The following PCSK6 variants were observed in gnomAD, a reference collection of about 807,000 sequenced individuals.
PCSK6 encodes paired basic amino acid cleaving enzyme 4.
In PCSK6, 85 loss-of-function variants were observed where a neutral mutation model predicts 123.3. The ratio of observed to expected loss-of-function variants is 0.69; its 90% confidence interval spans 0.58 to 0.83. The LOEUF (loss-of-function observed/expected upper bound fraction) is 0.83, where lower values mean the gene tolerates loss of function less well. Ranked by LOEUF, PCSK6 falls within the 40% of genes least tolerant of loss-of-function variation. The pLI is 0.00. For missense variants in PCSK6, 1,191 were observed against 1,282.3 expected, an observed-to-expected ratio of 0.93 and a Z score of 1.09; for synonymous variants, 508 against 516.0, an observed-to-expected ratio of 0.98 and a Z score of 0.21.
chr15:101,377,228 G>A (rs966366654), intron 11 of PCSK6, among the ~76,000 whole-genome samples: 10 of 151,970 alleles, frequency 6.6e-5, no homozygotes, highest in African/African-American at 1.7e-4. Flanking sequence ...GGCCAAGGCC[G>A]GAGGAAGCTC....
intron 4 of PCSK6, among the ~76,000 whole-genome samples, chr15:101,430,274 T>A (rs2056406342): frequency 7.9e-6 from 1 of 125,924 alleles, no homozygotes; most frequent in South Asian, 2.3e-4. Context: ...CTCAGTGGCA[T>A]TAATTCACAG....
In PCSK6 at chr15:101,430,037, G is replaced by C. The variant is rs367591586; in HGVS notation, c.684C>G (p.Asn228Lys). The stretch of plus-strand genomic sequence containing the variant: ...GTGGAGATGGGTCATAATCATTGCC[G>C]TTCACGTCGTAGCTGGCGTAGGAAT... ...NYDSYASYDV[N>K]GNDYDPSPRY... The change falls in exon 5 of 22, where the codon AAC becomes AAG. Residue 228 changes from asparagine (N) to lysine (K), a missense_variant. Around this residue, in one of 3 missense-constraint regions of PCSK6, gnomAD observed 357 missense variants for 484.5 expected, o/e 0.74. Transcript: ENST00000611716. The C allele has an allele frequency of 6.2e-7, 1 of 1,613,740 alleles. No individual in the cohort carries two copies. Among genetic ancestry groups the C allele is most frequent in the Non-Finnish European group, 8.5e-7 (1 of 1,179,750 alleles).
At chr15:101,318,061 G>C (rs1267252229) in intron 19 of PCSK6, among the ~76,000 whole-genome samples, 1 of 152,188 alleles carries the variant, frequency 6.6e-6, no homozygotes, top group African/African-American at 2.4e-5. Flanking sequence ...CATTCACACT[G>C]TTATGTAACC....
intron 1 of PCSK6, among the ~76,000 whole-genome samples, chr15:101,474,141 C>T (rs572370549): frequency 3.3e-5 from 5 of 152,194 alleles, no homozygotes; most frequent in African/African-American, 9.6e-5. Flanking sequence ...TGGGCTTTAT[C>T]AAGAGGAACA....
At chr15:101,343,680 T>G (rs1440811760) in intron 13 of PCSK6, among the ~76,000 whole-genome samples, 1 of 152,228 alleles carries the variant, frequency 6.6e-6, no homozygotes, top group South Asian at 2.1e-4. Context: ...ATTTCTAACT[T>G]AAGTGTAATG....
intron 13 of PCSK6, among the ~76,000 whole-genome samples, chr15:101,361,291 A>G (rs1041645651): frequency 4.3e-4 from 57 of 132,710 alleles, no homozygotes; most frequent in African/African-American, 9.0e-4. Flanking sequence ...ATTTGAGTTT[A>G]TATGTCTCTA....
intron 6 of PCSK6, among the ~76,000 whole-genome samples, chr15:101,418,036 A>G (rs905417719): frequency 6.6e-6 from 1 of 152,178 alleles, no homozygotes; most frequent in African/African-American, 2.4e-5. Context: ...AGAAACAATT[A>G]TAACTATAAA....
intron 2 of PCSK6, among the ~76,000 whole-genome samples, chr15:101,443,011 A>C (rs572931815): frequency 6.6e-6 from 1 of 152,340 alleles, no homozygotes. Context: ...ATAACTGTTG[A>C]TTGATCTTTC....
At chr15:101,478,466 G>C (rs970076563) in intron 1 of PCSK6, among the ~76,000 whole-genome samples, 1 of 152,160 alleles carries the variant, frequency 6.6e-6, no homozygotes, top group Non-Finnish European at 1.5e-5. Context: ...CACCAAGGCC[G>C]CAGGACACAC....
chr15:101,412,310 C>T (rs2055716553), intron 6 of PCSK6, among the ~76,000 whole-genome samples: 1 of 152,088 alleles, frequency 6.6e-6, no homozygotes, highest in African/African-American at 2.4e-5. Context: ...ATCTCAAATG[C>T]ATAAAGACAG....
chr15:101,435,964 C>T (rs1279921868), intron 2 of PCSK6, among the ~76,000 whole-genome samples: 2 of 152,228 alleles, frequency 1.3e-5, no homozygotes, highest in African/African-American at 4.8e-5. Flanking sequence ...GTCTTCTTCC[C>T]TGTGGGCCAC....
intron 1 of PCSK6, among the ~76,000 whole-genome samples, chr15:101,474,082 G>A (rs955173004): frequency 7.2e-5 from 11 of 152,102 alleles, no homozygotes; most frequent in African/African-American, 2.7e-4. Context: ...AGTCATAAAT[G>A]GTTACTTTGA....
At chr15:101,378,200 T>A (rs2041807410) in intron 11 of PCSK6, among the ~76,000 whole-genome samples, 1 of 152,250 alleles carries the variant, frequency 6.6e-6, no homozygotes, top group Admixed American at 6.5e-5. Flanking sequence ...TACACACAGA[T>A]TTTAAAATCA....
chr15:101,463,579 T>C (rs2057386911), intron 1 of PCSK6, among the ~76,000 whole-genome samples: 1 of 152,180 alleles, frequency 6.6e-6, no homozygotes, highest in South Asian at 2.1e-4. Context: ...CTGAAAGTGG[T>C]CTTCAAATAA....
intron 13 of PCSK6, among the ~76,000 whole-genome samples, chr15:101,363,628 A>G (rs1401003261): frequency 6.7e-6 from 1 of 149,506 alleles, no homozygotes; most frequent in African/African-American, 2.5e-5. Flanking sequence ...AGGATTTGTT[A>G]TAACACTTTT....
In PCSK6 at chr15:101,441,206, C is replaced by G. The variant is rs528329065; in HGVS notation, c.402+2350G>C. ...GCCTAGGAAGTCTCTATCCTTCCTT[C>G]TGCTGACTTCGAGGAGACAACTAAT... On this transcript the variant is annotated intron_variant, in intron 2 of 21. Transcript: ENST00000611716. Among the ~76,000 whole-genome samples, 26 of 152,334 alleles carry G rather than the reference C, an allele frequency of 1.7e-4. 1 individual carries two copies. The South Asian group carries it at 3.9e-3, about 23-fold the overall frequency.
intron 21 of PCSK6, among the ~76,000 whole-genome samples, chr15:101,306,774 T>C (rs1958446021): frequency 6.6e-6 from 1 of 152,328 alleles, no homozygotes; most frequent in South Asian, 2.1e-4. Flanking sequence ...GAGCTGGGAT[T>C]GCTGCTGCTG....
intron 19 of PCSK6, 21 bp from the exon 20 acceptor site, chr15:101,313,526 A>G (rs1375695545): frequency 6.3e-7 from 1 of 1,580,224 alleles, no homozygotes. Context: ...CAGGAAAAGA[A>G]GCAGGTATCA....
intron 11 of PCSK6, among the ~76,000 whole-genome samples, chr15:101,372,217 CATT>C (rs1285755702): frequency 6.6e-6 from 1 of 152,176 alleles, no homozygotes; most frequent in Non-Finnish European, 1.5e-5. Context: ...CCCAGCAGCA[CATT>C]AATAACTCCC....
Sources: gnomAD v4.1 joint callset for allele counts (sites outside exome capture counted in the v4.1 genomes callset) on GRCh38, gnomAD v4.1.1 for gene constraint, gnomAD v4.1.1 regional missense constraint, MANE v1.5 for transcripts, NCBI Gene and HGNC (gene_info 2026-07-23, HGNC 2026-07-21) for gene names.